The following GAB3 variants were observed in gnomAD, a reference collection of about 807,000 sequenced individuals.
The protein encoded by GAB3 is GRB2 associated binding protein 3, also known as GRB2-associated-binding protein 3.
In GAB3, 12 loss-of-function variants were observed where a neutral mutation model predicts 40.4. The observed-to-expected ratio is 0.30, with a 90% CI of 0.19 to 0.48. The LOEUF (loss-of-function observed/expected upper bound fraction) is 0.48. Ranked by LOEUF, GAB3 falls within the 20% of genes least tolerant of loss-of-function variation. The pLI is 0.99. For synonymous variants in GAB3, 154 were observed against 176.7 expected, an observed-to-expected ratio of 0.87 and a Z score of 1.02; for missense variants, 381 against 461.9, an observed-to-expected ratio of 0.82 and a Z score of 1.61.
chrX:154,684,171 T>C (rs1010517003), intron 8 of GAB3, among the ~76,000 whole-genome samples: 27 of 112,228 alleles, frequency 2.4e-4, no homozygotes, highest in African/African-American at 7.7e-4. Context: ...TTTCTACTTA[T>C]GTAATTGCTA....
chrX:154,729,209 A>G (rs1557259704), intron 1 of GAB3, among the ~76,000 whole-genome samples: 1 of 112,483 alleles, frequency 8.9e-6, no homozygotes, highest in East Asian at 2.8e-4. Flanking sequence ...AAAAGTGCAG[A>G]AAAAGAAACC....
In GAB3 at chrX:154,721,750, G is replaced by C. The variant is rs1439406672; in HGVS notation, c.73-5421C>G. Reference sequence around the variant, plus strand: ...TCATCAGAATGGCAATTATCAAAAAGACAAGCGATAACAAGTGTTGGTGAG... The same window carrying C: ...TCATCAGAATGGCAATTATCAAAAACACAAGCGATAACAAGTGTTGGTGAG... On this transcript the variant is annotated intron_variant, in intron 1 of 9. Coordinates refer to ENST00000424127, the MANE Select transcript of GAB3 (RefSeq NM_001081573.3). Among the ~76,000 whole-genome samples the C allele has an allele frequency of 4.4e-5, 5 of 112,371 alleles. No individual in the cohort carries two copies. The South Asian group carries it at 1.1e-3, about 25-fold the overall frequency.
chrX:154,730,283 T>C (rs889964908), intron 1 of GAB3, among the ~76,000 whole-genome samples: 10 of 112,367 alleles, frequency 8.9e-5, no homozygotes, highest in Non-Finnish European at 1.7e-4. Flanking sequence ...ACACCCTTCC[T>C]CACCCCTGTT....
At chrX:154,736,675 G>A (rs1396720743) in intron 1 of GAB3, among the ~76,000 whole-genome samples, 2 of 112,531 alleles carry the variant, frequency 1.8e-5, no homozygotes, top group Non-Finnish European at 3.8e-5. Context: ...AAATGCAGGG[G>A]CAGGGAGAAT....
intron 1 of GAB3, among the ~76,000 whole-genome samples, chrX:154,746,910 G>A (rs782203430): frequency 8.0e-5 from 9 of 112,931 alleles, no homozygotes; most frequent in Admixed American, 2.8e-4. Flanking sequence ...TTATTGTAAA[G>A]CTACAGTCAT....
chrX:154,730,366 G>C lies in GAB3; in HGVS notation c.73-14037C>G, dbSNP rs145559190. 2.2e-3 allele frequency among the ~76,000 whole-genome samples: 246 copies of C among 112,023 alleles called. 1 individual carries two copies. The highest frequency in any genetic ancestry group is 7.4e-3 in the African/African-American group (228 of 30,822). ...TGTTGCTATTGACATATACTTAGTA[G>C]ATTCTAGTTACTGTTTAGAAAACCT... is the stretch of plus-strand genomic sequence containing the variant. On this transcript the variant is annotated intron_variant, in intron 1 of 9. Coordinates refer to ENST00000424127, the MANE Select transcript of GAB3 (RefSeq NM_001081573.3).
At chrX:154,709,160 T>G (rs1305626382) in intron 4 of GAB3, among the ~76,000 whole-genome samples, 1 of 110,491 alleles carries the variant, frequency 9.1e-6, no homozygotes, top group East Asian at 2.8e-4. Context: ...TTCCTCCTGC[T>G]CCAGCCATGT....
At chrX:154,724,882 C>T (rs890623904) in intron 1 of GAB3, among the ~76,000 whole-genome samples, 2 of 111,779 alleles carry the variant, frequency 1.8e-5, no homozygotes, top group Admixed American at 9.5e-5. Flanking sequence ...GGGTCCTATG[C>T]AATGGCAGGT....
chrX:154,722,212 T>C (rs1337491082), intron 1 of GAB3, among the ~76,000 whole-genome samples: 7 of 111,094 alleles, frequency 6.3e-5, no homozygotes, highest in African/African-American at 2.0e-4. Context: ...GAATGATCTG[T>C]TTTGTACGTG....
chrX:154,733,784 C>T (rs1214066626), intron 1 of GAB3, among the ~76,000 whole-genome samples: 2 of 111,926 alleles, frequency 1.8e-5, no homozygotes, highest in Non-Finnish European at 3.8e-5. Flanking sequence ...TGAGATTGAT[C>T]TACAATTTTC....
intron 1 of GAB3, among the ~76,000 whole-genome samples, chrX:154,749,294 T>C (rs2148500130): frequency 8.9e-6 from 1 of 112,977 alleles, no homozygotes; most frequent in African/African-American, 3.2e-5. Context: ...AAAAAAAGAC[T>C]GGGAAATAAA....
intron 6 of GAB3, among the ~76,000 whole-genome samples, chrX:154,697,877 C>A (rs1426513878): frequency 8.9e-6 from 1 of 111,997 alleles, no homozygotes; most frequent in African/African-American, 3.2e-5. Flanking sequence ...CACTTGGTAT[C>A]TGCCCCAACC....
At chrX:154,746,209 G>C (rs2071527826) in intron 1 of GAB3, among the ~76,000 whole-genome samples, 1 of 111,603 alleles carries the variant, frequency 9.0e-6, no homozygotes, top group Non-Finnish European at 1.9e-5. Context: ...GAAAATACAA[G>C]AGGAGGGAGA....
chrX:154,751,019 C>T lies in GAB3; in HGVS notation c.7G>A (p.Ala3Thr). MS[A>T]GDAVCTGWLV... ...CAGCCGGTGCACACTGCGTCGCCCGCACTCATCGTGGCCGCCGCCGCCGCT... is the reference window on the plus strand; with the variant it reads ...CAGCCGGTGCACACTGCGTCGCCCGTACTCATCGTGGCCGCCGCCGCCGCT... Residue 3 changes from alanine (A) to threonine (T), a missense_variant, in exon 1 of 10, where the codon GCG (alanine) becomes ACG (threonine). Ala to Thr is a moderately conservative substitution (Grantham distance 58). Transcript: ENST00000424127. 1.2e-6 allele frequency: 1 copy of T among 817,792 alleles called. No individual in the cohort carries two copies. 67.4% of individuals were successfully genotyped at this position (817,792 alleles called of 1,213,427 possible).
Position 154,743,256 on chromosome X carries a change from A to G in GAB3, c.72+7698T>C, listed in dbSNP as rs1360322171. Among the ~76,000 whole-genome samples, 4 of 110,644 alleles carry G rather than the reference A, an allele frequency of 3.6e-5. No homozygotes were observed. In the Admixed American group the frequency reaches 3.9e-4, roughly 11 times the overall value. Reference sequence around the variant, plus strand: ...ACTGTCAACCCATAATTCTATGCCCAGTGAAAATATTTTTTAAAATGAGGG... The same window carrying G: ...ACTGTCAACCCATAATTCTATGCCCGGTGAAAATATTTTTTAAAATGAGGG... On this transcript the variant is annotated intron_variant, in intron 1 of 9. Coordinates refer to ENST00000424127, the MANE Select transcript of GAB3 (RefSeq NM_001081573.3).
At chrX:154,713,474 G>C (rs375433396) in intron 2 of GAB3, 48 bp from the exon 3 acceptor site, 2 of 1,057,395 alleles carry the variant, frequency 1.9e-6, no homozygotes, top group Non-Finnish European at 2.6e-6. Context: ...GCTATAACAC[G>C]CACTCAAAAT....
rs187319121 is a variant in GAB3, at chrX:154,701,645, A to G, written c.1070-1586T>C. Among the ~76,000 whole-genome samples, 4 of 112,235 alleles carry G rather than the reference A, an allele frequency of 3.6e-5. No homozygotes were observed. In the East Asian group the frequency reaches 1.1e-3, roughly 31 times the overall value. The stretch of plus-strand genomic sequence containing the variant: ...ACTACACAAGAAAACTATTAGAACT[A>G]ATACACAAATTCAGTAAAGTTGCAG... On this transcript the variant is annotated intron_variant, in intron 4 of 9. Coordinates refer to ENST00000424127, the MANE Select transcript of GAB3 (RefSeq NM_001081573.3).
chrX:154,710,099 T>TCCC (rs2070909492), intron 4 of GAB3, among the ~76,000 whole-genome samples: 2 of 101,065 alleles, frequency 2.0e-5, no homozygotes, highest in South Asian at 1.3e-3. Context: ...AATCATCATG[T>TCCC]TCTGATGCAT....
At chrX:154,745,604 A>G (rs1280702550) in intron 1 of GAB3, among the ~76,000 whole-genome samples, 2 of 112,111 alleles carry the variant, frequency 1.8e-5, no homozygotes, top group Admixed American at 9.4e-5. Context: ...ACTACAAATC[A>G]TACAGGCATT....
Sources: gnomAD v4.1 joint callset for allele counts (sites outside exome capture counted in the v4.1 genomes callset) on GRCh38, gnomAD v4.1.1 for gene constraint, MANE v1.5 for transcripts, NCBI Gene and HGNC (gene_info 2026-07-23, HGNC 2026-07-21) for gene names.